RSPH9: variants seen among roughly 807,000 people sequenced by gnomAD.
RSPH9 encodes radial spoke head protein 9 homolog.
In RSPH9, 27 loss-of-function variants were observed where a neutral mutation model predicts 27.0. The ratio of observed to expected loss-of-function variants is 1.00; its 90% CI spans 0.74 to 1.38. The LOEUF is 1.38. Among genes scored for constraint, RSPH9 ranks in the 40% most tolerant of loss-of-function variants. RSPH9 has a pLI of 0.00. For synonymous variants in RSPH9, 145 were observed against 147.7 expected (o/e 0.98, Z 0.13); for missense variants, 347 against 357.4 (o/e 0.97, Z 0.24).
intron 3 of RSPH9, 29 bp downstream of exon 3, chr6:43,655,720 C>T: frequency 1.2e-6 from 2 of 1,613,726 alleles, no homozygotes; most frequent in South Asian, 2.2e-5. Flanking sequence ...CTCTCAAGGG[C>T]TGGGGGTATC....
intron 1 of RSPH9, among the ~76,000 whole-genome samples, chr6:43,648,648 T>C (rs1163639743): frequency 1.3e-5 from 2 of 151,876 alleles, no homozygotes; most frequent in East Asian, 1.9e-4. Context: ...GTGTGAACAG[T>C]TGGGTGGGGA....
chr6:43,655,702 T>C lies in RSPH9; in HGVS notation c.523+11T>C. ...ATCGGACCTTTGAAGGTGAGTTCTC[T>C]GGGGCCCCTCTCAAGGGCTGGGGGT... On this transcript the variant is annotated intron_variant, in intron 3 of 4. Transcript: ENST00000372163. 1 of 1,614,164 alleles carries C rather than the reference T, an allele frequency of 6.2e-7. No individual in the cohort carries two copies. Among genetic ancestry groups the C allele is most frequent in the Non-Finnish European group, 8.5e-7 (1 of 1,180,014 alleles).
chr6:43,671,210 A>G lies in RSPH9; in HGVS notation c.*261A>G. On this transcript the variant is annotated 3_prime_UTR_variant, in exon 5 of 5. Coordinates refer to ENST00000372163, the MANE Select transcript of RSPH9 (RefSeq NM_152732.5). ...GTGACAACCAGGGCCCCTTTGAGGA[A>G]CGCAGTTTCTTGGATTCACACGAGA... 1 of 575,954 alleles carries G rather than the reference A, an allele frequency of 1.7e-6. No homozygotes were observed. Among genetic ancestry groups the G allele is most frequent in the Non-Finnish European group, 3.1e-6 (1 of 323,936 alleles). The allele number at this position is 575,954 out of a possible 1,614,324, so 35.7% of individuals were successfully genotyped here.
rs778670954 is a variant in RSPH9, at chr6:43,672,410, G to C, written c.*1461G>C. 1.1e-5 allele frequency: 5 copies of C among 471,438 alleles called. No individual in the cohort carries two copies. The highest frequency in any genetic ancestry group is 1.5e-5 in the South Asian group (1 of 64,572). 29.2% of individuals were successfully genotyped at this position (471,438 alleles called of 1,614,324 possible). A position where few individuals can be genotyped will look rare whatever the true frequency, so the allele number is the denominator to read the frequency against. On this transcript the variant is annotated 3_prime_UTR_variant, in exon 5 of 5. Transcript: ENST00000372163. ...ACCTGTGATGGGAATCAAGGGGTAA[G>C]GGCCCGTGGGCGCAGCCCTAGCCTA... is the stretch of plus-strand genomic sequence containing the variant.
intron 1 of RSPH9, among the ~76,000 whole-genome samples, chr6:43,648,358 C>T (rs1771108280): frequency 2.0e-5 from 3 of 152,010 alleles, no homozygotes; most frequent in Non-Finnish European, 2.9e-5. Flanking sequence ...TTTGAGAAGA[C>T]ACCTGAAGTG....
At position 43,670,884 on chromosome 6, in the gene RSPH9, A is replaced by G; in HGVS notation, c.766A>G (p.Lys256Glu). The change falls in exon 5 of 5, where the codon AAG (lysine) becomes GAG (glutamate). Residue 256 changes from lysine (K) to glutamate (E), a missense_variant. By Grantham distance (56) the Lys-to-Glu change is moderately conservative. Coordinates refer to ENST00000372163, the MANE Select transcript of RSPH9 (RefSeq NM_152732.5). ...CACCTTCTACCATGCTCCCCGCACC[A>G]AGAACTATGGCTACGTCTACGTGGG... ...GLTFYHAPRT[K>E]NYGYVYVGTG... 2 of 1,614,232 alleles carry G rather than the reference A, an allele frequency of 1.2e-6. No homozygotes were observed. The highest frequency in any genetic ancestry group is 1.7e-6 in the Non-Finnish European group (2 of 1,180,040).
intron 3 of RSPH9, 137 bp from the exon 4 acceptor site, chr6:43,656,440 C>T: frequency 9.9e-7 from 1 of 1,007,774 alleles, no homozygotes; most frequent in South Asian, 1.3e-5. Context: ...AATGCTAATC[C>T]CTTTCCTTCC....
Position 43,671,154 on chromosome 6 carries a change from C to A in RSPH9, c.*205C>A. 1 of 631,608 alleles carries A rather than the reference C, an allele frequency of 1.6e-6. No individual in the cohort carries two copies. The highest frequency in any genetic ancestry group is 2.7e-6 in the Non-Finnish European group (1 of 363,734). The allele number at this position is 631,608 out of a possible 1,614,324, so 39.1% of individuals were successfully genotyped here. A position where few individuals can be genotyped will look rare whatever the true frequency, so the allele number is the denominator to read the frequency against. ...ATGTGCTAATGAAAGAGATTCTAGA[C>A]AACGATGGGTGGAAATGGCTGTGGG... is the stretch of plus-strand genomic sequence containing the variant. On this transcript the variant is annotated 3_prime_UTR_variant, in exon 5 of 5. Transcript: ENST00000372163.
chr6:43,659,435 T>A (rs577723931), intron 4 of RSPH9, among the ~76,000 whole-genome samples: 136 of 150,700 alleles, frequency 9.0e-4, no homozygotes, highest in Non-Finnish European at 1.6e-3. Context: ...CAGGCTGGAG[T>A]GCAGTGGTGC....
At chr6:43,645,639 G>A (rs1041317154) in intron 1 of RSPH9, among the ~76,000 whole-genome samples, 36 of 152,376 alleles carry the variant, frequency 2.4e-4, no homozygotes, top group African/African-American at 7.9e-4. Flanking sequence ...GCCTGAGGAG[G>A]CCAAGAGAAA....
intron 4 of RSPH9, among the ~76,000 whole-genome samples, chr6:43,658,312 A>T (rs866741286): frequency 7.5e-6 from 1 of 133,788 alleles, no homozygotes; most frequent in African/African-American, 2.8e-5. Context: ...AAAAAAAAAG[A>T]AAAAAAAAAA....
chr6:43,672,407 T>C lies in RSPH9; in HGVS notation c.*1458T>C, dbSNP rs1295817883. The stretch of plus-strand genomic sequence containing the variant: ...CCAACCTGTGATGGGAATCAAGGGG[T>C]AAGGGCCCGTGGGCGCAGCCCTAGC... On this transcript the variant is annotated 3_prime_UTR_variant, in exon 5 of 5. Coordinates refer to ENST00000372163, the MANE Select transcript of RSPH9 (RefSeq NM_152732.5). 3 of 471,242 alleles carry C rather than the reference T, an allele frequency of 6.4e-6. No homozygotes were observed. The highest frequency in any genetic ancestry group is 1.3e-5 in the Non-Finnish European group (3 of 227,160). The allele number at this position is 471,242 out of a possible 1,614,324, so 29.2% of individuals were successfully genotyped here. A position where few individuals can be genotyped will look rare whatever the true frequency, so the allele number is the denominator to read the frequency against.
At position 43,666,358 on chromosome 6, in the gene RSPH9, G is replaced by A. The variant is rs950296740; in HGVS notation, c.671-4431G>A. 4 of 1,266,852 alleles carry A rather than the reference G, an allele frequency of 3.2e-6. No homozygotes were observed. In the African/African-American group the frequency reaches 5.9e-5, roughly 19 times the overall value. The allele number at this position is 1,266,852 out of a possible 1,614,324, so 78.5% of individuals were successfully genotyped here. On this transcript the variant is annotated intron_variant, in intron 4 of 4. Coordinates refer to ENST00000372163, the MANE Select transcript of RSPH9 (RefSeq NM_152732.5). ...AAGGAAGAGTTCCCTGGGACACCAG[G>A]ACTGGCTGGAGGGATGGGATTTGGC...
At chr6:43,661,908 G>A (rs1772670137) in intron 4 of RSPH9, among the ~76,000 whole-genome samples, 1 of 152,120 alleles carries the variant, frequency 6.6e-6, no homozygotes, top group Non-Finnish European at 1.5e-5. Flanking sequence ...GACTGACTGA[G>A]ACAGAGTCTC....
chr6:43,662,941 G>A (rs561279412), intron 4 of RSPH9, among the ~76,000 whole-genome samples: 3 of 151,502 alleles, frequency 2.0e-5, no homozygotes, highest in Admixed American at 6.6e-5. Flanking sequence ...AACAGCACAC[G>A]CAATAGGTGT....
At chr6:43,667,880 C>T (rs1773304838) in intron 4 of RSPH9, among the ~76,000 whole-genome samples, 1 of 152,168 alleles carries the variant, frequency 6.6e-6, no homozygotes, top group East Asian at 1.9e-4. Context: ...GCCTGGCCTA[C>T]TGTCCCTCGA....
intron 4 of RSPH9, 144 bp downstream of exon 4, chr6:43,656,867 C>G: frequency 1.2e-6 from 1 of 844,492 alleles, no homozygotes; most frequent in Non-Finnish European, 2.0e-6. Flanking sequence ...GGTGGAGCTT[C>G]CCCAGGGCCC....
intron 2 of RSPH9, 145 bp from the exon 3 acceptor site, chr6:43,655,417 G>C (rs567678129): frequency 1.2e-6 from 1 of 805,602 alleles, no homozygotes; most frequent in Admixed American, 2.0e-5. Flanking sequence ...AGGAAGGAAG[G>C]CGAGGGCCTG....
At chr6:43,661,622 A>G (rs1481535878) in intron 4 of RSPH9, among the ~76,000 whole-genome samples, 1 of 136,176 alleles carries the variant, frequency 7.3e-6, no homozygotes, top group Non-Finnish European at 1.5e-5. Flanking sequence ...GACTGTGCCA[A>G]TGTACTCCAG....
Sources: allele counts gnomAD v4.1 joint callset (sites outside exome capture counted in the v4.1 genomes callset), GRCh38; gene constraint gnomAD v4.1.1; transcripts MANE v1.5; gene names NCBI Gene and HGNC (gene_info 2026-07-23, HGNC 2026-07-21).